SLC14A2: variants seen among roughly 807,000 people sequenced by gnomAD.
SLC14A2 encodes urea transporter 2.
SLC14A2 carries 91 observed loss-of-function variants against 104.6 expected under a neutral mutation model. The observed-to-expected ratio is 0.87, with a 90% confidence interval of 0.73 to 1.04. The LOEUF (loss-of-function observed/expected upper bound fraction) is 1.04. Ranked by LOEUF, SLC14A2 falls within the 50% of genes least tolerant of loss-of-function variation. SLC14A2 has a pLI of 0.00. For missense variants in SLC14A2, 1,189 were observed against 1,156.0 expected, an observed-to-expected ratio of 1.03 and a Z score of -0.41; for synonymous variants, 476 against 466.4, an observed-to-expected ratio of 1.02 and a Z score of -0.27.
intron 1 of SLC14A2, among the ~76,000 whole-genome samples, chr18:45,276,122 A>C (rs991574705): frequency 2.0e-5 from 3 of 152,206 alleles, no homozygotes; most frequent in African/African-American, 7.2e-5. Context: ...GTTTCAATAG[A>C]AGTGTGTGAG....
At chr18:45,528,190 G>GC (rs1398930911) in intron 2 of SLC14A2, 6 of 144,584 alleles carry the variant, frequency 4.1e-5, no homozygotes, top group African/African-American at 1.5e-4. Context: ...TGCGGGGGGG[G>GC]GGGGGGGTGT....
At chr18:45,621,345 A>G (rs1322570256) in intron 1 of SLC14A2, among the ~76,000 whole-genome samples, 1 of 151,742 alleles carries the variant, frequency 6.6e-6, no homozygotes, top group South Asian at 2.1e-4. Flanking sequence ...GGTTAGTTAG[A>G]TCTGAATGAC....
At chr18:45,315,543 G>A (rs867101835) in intron 1 of SLC14A2, among the ~76,000 whole-genome samples, 3 of 152,116 alleles carry the variant, frequency 2.0e-5, no homozygotes, top group African/African-American at 7.2e-5. Flanking sequence ...AATTTTCCTG[G>A]CTTGGAGGAA....
At chr18:45,389,884 C>T (rs796136137) in intron 1 of SLC14A2, among the ~76,000 whole-genome samples, 2 of 152,304 alleles carry the variant, frequency 1.3e-5, no homozygotes, top group African/African-American at 4.8e-5. Context: ...GATATCCAAA[C>T]TTTAATCTTC....
At chr18:45,168,335 G>A in the SLC14A2 span, among the ~76,000 whole-genome samples, 1 of 152,124 alleles carries the variant, frequency 6.6e-6, no homozygotes, top group African/African-American at 2.4e-5. Flanking sequence ...TCTATTTATG[G>A]TGAATACCAT....
chr18:45,248,902 C>T lies in SLC14A2; in HGVS notation c.-125+35711C>T, dbSNP rs113453400. On this transcript the variant is annotated intron_variant, in intron 1 of 20. Transcript: ENST00000586448. ...TGGTGATAAATTTTCAATAAATCTG[C>T]GGGGTGGAGGGAAATGAGAGAAGAA... Among the ~76,000 whole-genome samples, 162 of 152,246 alleles carry T rather than the reference C, an allele frequency of 1.1e-3. 2 individuals are homozygous for T. The highest frequency in any genetic ancestry group is 3.4e-3 in the Middle Eastern group (1 of 294).
intron 1 of SLC14A2, among the ~76,000 whole-genome samples, chr18:45,455,431 G>A (rs1289034314): frequency 6.6e-6 from 1 of 152,052 alleles, no homozygotes; most frequent in Non-Finnish European, 1.5e-5. Context: ...ACTCACAAGT[G>A]GGAGTTGAAC....
chr18:45,250,751 C>CTGACTTTTTTTTTTTTTTTTTTTTTTTTT (rs1165070845), intron 1 of SLC14A2, among the ~76,000 whole-genome samples: 17 of 113,908 alleles, frequency 1.5e-4, no homozygotes, highest in African/African-American at 4.3e-4. Flanking sequence ...CTAGTGGCTT[C>CTGACTTTTTTTTTTTTTTTTTTTTTTTTT]TTCCTTTTTT....
chr18:45,604,676 C>A (rs927574414), intron 2 of SLC14A2, among the ~76,000 whole-genome samples: 1 of 152,162 alleles, frequency 6.6e-6, no homozygotes, highest in African/African-American at 2.4e-5. Context: ...TGGGCAGTCA[C>A]CCCCAATATG....
upstream of SLC14A2, among the ~76,000 whole-genome samples, chr18:45,208,366 A>G (rs565529798): frequency 9.8e-5 from 15 of 152,380 alleles, no homozygotes; most frequent in African/African-American, 3.6e-4. Flanking sequence ...AGTCATCAAC[A>G]GTGACCCTGC....
At chr18:45,233,618 C>T (rs1450356030) in intron 1 of SLC14A2, among the ~76,000 whole-genome samples, 1 of 152,184 alleles carries the variant, frequency 6.6e-6, no homozygotes, top group Non-Finnish European at 1.5e-5. Flanking sequence ...AAGTGCTTAA[C>T]ATCCTCATTA....
At chr18:45,256,961 A>G (rs1239385501) in intron 1 of SLC14A2, among the ~76,000 whole-genome samples, 1 of 152,224 alleles carries the variant, frequency 6.6e-6, no homozygotes, top group African/African-American at 2.4e-5. Context: ...ACCCCTTTAC[A>G]TGGACCAGTG....
chr18:45,534,139 G>A (rs2043743680), intron 2 of SLC14A2, among the ~76,000 whole-genome samples: 1 of 152,170 alleles, frequency 6.6e-6, no homozygotes, highest in African/African-American at 2.4e-5. Flanking sequence ...GTGTGAGGAA[G>A]CAAAGCTGCA....
chr18:45,459,971 AC>A (rs1386221563), intron 1 of SLC14A2, among the ~76,000 whole-genome samples: 2 of 152,160 alleles, frequency 1.3e-5, no homozygotes, highest in Admixed American at 6.5e-5. Context: ...CCCACCAGGT[AC>A]CTGGGGCTCT....
intron 1 of SLC14A2, among the ~76,000 whole-genome samples, chr18:45,443,050 C>T (rs371942393): frequency 2.4e-4 from 36 of 152,168 alleles, no homozygotes; most frequent in African/African-American, 8.4e-4. Context: ...TCTCCTTGCT[C>T]CAAAGTCTAA....
intron 1 of SLC14A2, among the ~76,000 whole-genome samples, chr18:45,365,967 C>T (rs898186463): frequency 6.8e-6 from 1 of 146,584 alleles, no homozygotes; most frequent in Non-Finnish European, 1.5e-5. Flanking sequence ...AGACTAAGCA[C>T]GTACACCCAA....
chr18:45,493,949 C>G (rs903755084), intron 2 of SLC14A2, among the ~76,000 whole-genome samples: 2 of 152,210 alleles, frequency 1.3e-5, no homozygotes, highest in African/African-American at 4.8e-5. Context: ...AAGCCACATC[C>G]TTAATCACCT....
At chr18:45,293,435 A>G (rs2084890222) in intron 1 of SLC14A2, among the ~76,000 whole-genome samples, 2 of 152,178 alleles carry the variant, frequency 1.3e-5, no homozygotes, top group Admixed American at 6.5e-5. Flanking sequence ...TAAAATATAT[A>G]TATGCAATTA....
intron 2 of SLC14A2, among the ~76,000 whole-genome samples, chr18:45,593,877 A>T (rs2044687726): frequency 6.6e-6 from 1 of 152,202 alleles, no homozygotes; most frequent in African/African-American, 2.4e-5. Flanking sequence ...CGAGCTAAGT[A>T]AAAAATATAC....
Sources: gnomAD v4.1 joint callset for allele counts (sites outside exome capture counted in the v4.1 genomes callset) on GRCh38, gnomAD v4.1.1 for gene constraint, MANE v1.5 for transcripts, NCBI Gene and HGNC (gene_info 2026-07-23, HGNC 2026-07-21) for gene names.